The following PCOLCE variants were observed in gnomAD, a reference collection of about 807,000 sequenced individuals.
PCOLCE encodes the protein procollagen C-endopeptidase enhancer, also known as procollagen C-endopeptidase enhancer 1.
In PCOLCE, 33 loss-of-function variants were observed where a neutral mutation model predicts 47.2. The observed-to-expected ratio is 0.70, with a 90% CI of 0.53 to 0.93. The LOEUF (loss-of-function observed/expected upper bound fraction) is 0.93, where lower values mean the gene tolerates loss of function less well. PCOLCE is among the 40% of genes least tolerant of loss of function. PCOLCE has a pLI of 0.00. For synonymous variants in PCOLCE, 254 were observed against 252.5 expected (o/e 1.01, Z -0.06); for missense variants, 584 against 585.3 (o/e 1.00, Z 0.02).
chr7:100,606,677 A>C (rs1282392112), intron 6 of PCOLCE, 47 bp downstream of exon 6: 2 of 1,464,494 alleles, frequency 1.4e-6, no homozygotes, highest in South Asian at 2.6e-5. Flanking sequence ...GAAGGGGGCC[A>C]TTTCAAAAAG....
At chr7:100,606,681 C>A in intron 6 of PCOLCE, 51 bp downstream of exon 6, 2 of 1,426,908 alleles carry the variant, frequency 1.4e-6, no homozygotes, top group East Asian at 2.4e-5. Flanking sequence ...GGGGCCATTT[C>A]AAAAAGTTCT....
At chr7:100,607,090 CAAA>C (rs559618495) in intron 6 of PCOLCE, among the ~76,000 whole-genome samples, 2 of 105,252 alleles carry the variant, frequency 1.9e-5, no homozygotes, top group African/African-American at 3.8e-5. Flanking sequence ...GATTCTGTCT[CAAA>C]AAAAAAAAAA....
chr7:100,602,448 C>G lies in PCOLCE; in HGVS notation c.-9C>G, dbSNP rs765595006. 1.3e-6 allele frequency: 2 copies of G among 1,597,762 alleles called. No individual in the cohort carries two copies. Among genetic ancestry groups the G allele is most frequent in the South Asian group, 2.2e-5 (2 of 90,824 alleles). The stretch of plus-strand genomic sequence containing the variant: ...GTCTTGAGGACCCCAGCGCCTTTCC[C>G]CCGGGGCCATGCTGCCTGCAGCCAC... On this transcript the variant is annotated 5_prime_UTR_variant, in exon 1 of 9. Coordinates refer to ENST00000223061, the MANE Select transcript of PCOLCE (RefSeq NM_002593.4).
intron 5 of PCOLCE, 44 bp from the exon 6 acceptor site, chr7:100,606,372 C>T (rs374389209): frequency 9.7e-6 from 14 of 1,436,784 alleles, no homozygotes; most frequent in Non-Finnish European, 1.2e-5. Context: ...GTGTGGTGCA[C>T]GCCCGCCCTG....
In PCOLCE at chr7:100,605,142, C is replaced by G. The variant is rs1270797150; in HGVS notation, c.515C>G (p.Thr172Arg). The G allele has an allele frequency of 1.2e-6, 2 of 1,613,044 alleles. No individual in the cohort carries two copies. The highest frequency in any genetic ancestry group is 1.7e-6 in the Non-Finnish European group (2 of 1,179,644). ...RLEKAQGTLT[T>R]PNWPESDYPP... ...GAGAAGGCCCAGGGAACCCTGACCA[C>G]GCCCAACTGGCCCGAGTCCGATTAC... The change falls in exon 4 of 9, where the codon ACG becomes AGG. Residue 172 changes from threonine to arginine, a missense_variant. By Grantham distance (71) the Thr-to-Arg change is moderately conservative. Transcript: ENST00000223061. The surrounding 1 kb of genome is among the most constrained non-coding windows in gnomAD (Gnocchi z 6.1).
chr7:100,605,852 C>T lies in PCOLCE; in HGVS notation c.725+40C>T, dbSNP rs1247120031. ...CTGGGCGAGTCCGGGAGAGAGTCGG[C>T]GGACCGCACGCACGCGGCTGTTTGG... is the stretch of plus-strand genomic sequence containing the variant. On this transcript the variant is annotated intron_variant, in intron 5 of 8. Transcript: ENST00000223061. This position sits in a 1 kb window ranked among gnomAD's most constrained non-coding sequence, Gnocchi z 6.1. 1.3e-6 allele frequency: 2 copies of T among 1,538,088 alleles called. No homozygotes were observed. The highest frequency in any genetic ancestry group is 1.2e-5 in the South Asian group (1 of 83,428).
chr7:100,604,018 C>A lies in PCOLCE; in HGVS notation c.264C>A (p.Pro88=). Residue 88 remains proline (P), a synonymous_variant, in exon 3 of 9, where the codon CCC becomes CCA. Coordinates refer to ENST00000223061, the MANE Select transcript of PCOLCE (RefSeq NM_002593.4). The surrounding 1 kb of genome is among the most constrained non-coding windows in gnomAD (Gnocchi z 6.4). ...SFRVFDLELH[P]ACRYDALEVF... ...GAGTCTTCGACCTGGAGCTGCACCC[C>A]GCCTGCCGCTACGATGCTCTGGAGG... 6.2e-7 allele frequency: 1 copy of A among 1,605,748 alleles called. No homozygotes were observed.
Position 100,605,098 on chromosome 7 carries a change from A to C in PCOLCE, c.471A>C (p.Gln157His). 1 of 1,611,110 alleles carries C rather than the reference A, an allele frequency of 6.2e-7. No homozygotes were observed. Among genetic ancestry groups the C allele is most frequent in the Non-Finnish European group, 8.5e-7 (1 of 1,178,738 alleles). The change falls in exon 4 of 9, where the codon CAA becomes CAC. Residue 157 changes from glutamine to histidine, a missense_variant. By Grantham distance (24) the Gln-to-His change is conservative. Coordinates refer to ENST00000223061, the MANE Select transcript of PCOLCE (RefSeq NM_002593.4). This position sits in a 1 kb window ranked among gnomAD's most constrained non-coding sequence, Gnocchi z 6.1. ...SGRATSGTEH[Q>H]FCGGRLEKAQ... ...CCTCTCTCCCCTCCCCAGAGCACCA[A>C]TTTTGCGGGGGGCGGCTGGAGAAGG...
chr7:100,602,766 C>T (rs1802634401), intron 1 of PCOLCE: 1 of 581,238 alleles, frequency 1.7e-6, no homozygotes, highest in Admixed American at 3.1e-5. Flanking sequence ...CCACCTTCGT[C>T]CTCTGGTCTC....
Position 100,606,447 on chromosome 7 carries a change from G to C in PCOLCE, c.757G>C (p.Val253Leu). The C allele has an allele frequency of 6.2e-7, 1 of 1,613,958 alleles. No individual in the cohort carries two copies. Among genetic ancestry groups the C allele is most frequent in the Non-Finnish European group, 8.5e-7 (1 of 1,179,878 alleles). ...SISSEGNELL[V>L]QFVSDLSVTA... ...CTCCTCCGAAGGGAATGAACTCCTC[G>C]TCCAGTTCGTCTCAGATCTCAGTGT... Residue 253 changes from valine (V) to leucine (L), a missense_variant, in exon 6 of 9, where the codon GTC (valine) becomes CTC (leucine). Coordinates refer to ENST00000223061, the MANE Select transcript of PCOLCE (RefSeq NM_002593.4).
chr7:100,608,062 T>C lies in PCOLCE; in HGVS notation c.1309T>C (p.Cys437Arg). ...CCTCACCAACCTAAGCAAGAGGAAG[T>C]GCCCCTCTCAACCTGTGCGGGCTGC... Reference protein sequence around the residue: ...QILTNLSKRKCPSQPVRAAAS... With the variant: ...QILTNLSKRKRPSQPVRAAAS... Residue 437 changes from cysteine to arginine, a missense_variant, in exon 9 of 9, where the codon TGC (cysteine) becomes CGC (arginine). Transcript: ENST00000223061. The C allele has an allele frequency of 1.2e-6, 2 of 1,613,910 alleles. No homozygotes were observed. The highest frequency in any genetic ancestry group is 1.7e-6 in the Non-Finnish European group (2 of 1,180,022).
rs1335763919 is a variant in PCOLCE at position 100,605,580 on chromosome 7, G to C, written c.589-96G>C. 7.7e-6 allele frequency: 11 copies of C among 1,433,566 alleles called. No individual in the cohort carries two copies. The allele number at this position is 1,433,566 out of a possible 1,614,324, so 88.8% of individuals were successfully genotyped here. On this transcript the variant is annotated intron_variant, in intron 4 of 8. Transcript: ENST00000223061. The surrounding 1 kb of genome is among the most constrained non-coding windows in gnomAD (Gnocchi z 6.1). The stretch of plus-strand genomic sequence containing the variant: ...GAGGGGGGCCCAGAGGACGCGGGAG[G>C]TGGGAGTGGGAGCTGCTGCAGGCAC...
At chr7:100,602,871 G>A (rs904053005) in intron 1 of PCOLCE, 7 of 422,728 alleles carry the variant, frequency 1.7e-5, no homozygotes, top group Non-Finnish European at 3.0e-5. Flanking sequence ...TTCCAGGAAG[G>A]AATTCGAGAG....
chr7:100,606,764 G>C, intron 6 of PCOLCE, 134 bp downstream of exon 6: 3 of 664,606 alleles, frequency 4.5e-6, no homozygotes, highest in Non-Finnish European at 2.5e-6. Context: ...CTTAAGCCTA[G>C]GAGTTTACCA....
rs1255195317 is a variant in PCOLCE at position 100,607,820 on chromosome 7, T to C, written c.1183+13T>C. On this transcript the variant is annotated intron_variant, in intron 8 of 8. Coordinates refer to ENST00000223061, the MANE Select transcript of PCOLCE (RefSeq NM_002593.4). Reference sequence around the variant, plus strand: ...CCCATGAAGAAAGGTAACAGAGATGTGGGGAAATGGGGATGGGTCAAGCTA... The same window carrying C: ...CCCATGAAGAAAGGTAACAGAGATGCGGGGAAATGGGGATGGGTCAAGCTA... The C allele has an allele frequency of 6.2e-7, 1 of 1,613,876 alleles. No homozygotes were observed. Among genetic ancestry groups the C allele is most frequent in the African/African-American group, 1.3e-5 (1 of 74,996 alleles).
In PCOLCE at chr7:100,604,231, C is replaced by A; in HGVS notation, c.463+14C>A. 1.9e-6 allele frequency: 3 copies of A among 1,603,158 alleles called. No individual in the cohort carries two copies. The highest frequency in any genetic ancestry group is 2.5e-6 in the Non-Finnish European group (3 of 1,176,938). Reference sequence around the variant, plus strand: ...CCTCGGGCACTGGTGAGAACTCCCTCACCTCCGCCTTCCCCCCCTCCAGGC... The same window carrying A: ...CCTCGGGCACTGGTGAGAACTCCCTAACCTCCGCCTTCCCCCCCTCCAGGC... On this transcript the variant is annotated intron_variant, in intron 3 of 8. Coordinates refer to ENST00000223061, the MANE Select transcript of PCOLCE (RefSeq NM_002593.4). This position sits in a 1 kb window ranked among gnomAD's most constrained non-coding sequence, Gnocchi z 6.4.
At chr7:100,603,781 C>A in intron 2 of PCOLCE, 178 bp from the exon 3 acceptor site, 1 of 681,748 alleles carries the variant, frequency 1.5e-6, no homozygotes, top group South Asian at 1.9e-5. Flanking sequence ...CAGCTCTTGT[C>A]CCCTGCACAG....
chr7:100,603,560 T>C, intron 2 of PCOLCE, 22 bp downstream of exon 2: 1 of 1,289,942 alleles, frequency 7.8e-7, no homozygotes, highest in Admixed American at 2.1e-5. Flanking sequence ...CTCTGGGCAC[T>C]ACCCCTTGTT....
rs1584441397 is a variant in PCOLCE at position 100,605,335 on chromosome 7, A to C, written c.588+120A>C. 1 of 1,036,506 alleles carries C rather than the reference A, an allele frequency of 9.6e-7. No homozygotes were observed. Among genetic ancestry groups the C allele is most frequent in the East Asian group, 2.6e-5 (1 of 37,758 alleles). 64.2% of individuals were successfully genotyped at this position (1,036,506 alleles called of 1,614,324 possible). ...GAGCACTGCGCTTGCGCTGGTGGGCACCCAAAACAGCCCCAACCCCTGCAT... is the reference window on the plus strand; with the variant it reads ...GAGCACTGCGCTTGCGCTGGTGGGCCCCCAAAACAGCCCCAACCCCTGCAT... On this transcript the variant is annotated intron_variant, in intron 4 of 8. Coordinates refer to ENST00000223061, the MANE Select transcript of PCOLCE (RefSeq NM_002593.4). This position sits in a 1 kb window ranked among gnomAD's most constrained non-coding sequence, Gnocchi z 6.1.
Sources: allele counts gnomAD v4.1 joint callset (sites outside exome capture counted in the v4.1 genomes callset), GRCh38; gene constraint gnomAD v4.1.1; non-coding constraint Gnocchi (gnomAD v3.1); transcripts MANE v1.5; gene names NCBI Gene and HGNC (gene_info 2026-07-23, HGNC 2026-07-21).